The following UBE4B variants were observed in gnomAD, a reference collection of about 807,000 sequenced individuals.
The protein encoded by UBE4B is ubiquitin conjugation factor E4 B.
Under a neutral mutation model 148.1 loss-of-function variants are expected in UBE4B, and 27 were observed. That is an observed-to-expected ratio of 0.18 (90% confidence interval 0.13 to 0.25). The LOEUF is 0.25. Among genes scored for constraint, UBE4B ranks in the 10% least tolerant of loss-of-function variants. The probability of loss-of-function intolerance (pLI) is 1.00; values close to 1 mark genes in which losing one functional copy is unlikely to be tolerated. For missense variants in UBE4B, 1,170 were observed against 1,662.4 expected, an observed-to-expected ratio of 0.70 and a Z score of 5.15; for synonymous variants, 596 against 619.3, an observed-to-expected ratio of 0.96 and a Z score of 0.56.
At chr1:10,043,090 A>G (rs544766501) in intron 1 of UBE4B, among the ~76,000 whole-genome samples, 2 of 151,198 alleles carry the variant, frequency 1.3e-5, no homozygotes, top group Non-Finnish European at 3.0e-5. Context: ...GCTCACTGCA[A>G]CCTCCGCCTC....
chr1:10,161,767 A>G lies in UBE4B; in HGVS notation c.3198+481A>G, dbSNP rs1053622537. ...TAATAGAAAAGAGGCCTGGCTTGCC[A>G]GGTTCCATGGAAAGCACGTGCCGTG... is the stretch of plus-strand genomic sequence containing the variant. On this transcript the variant is annotated intron_variant, in intron 23 of 27. Transcript: ENST00000343090. The surrounding 1 kb of genome is among the most constrained non-coding windows in gnomAD (Gnocchi z 4.1). Among the ~76,000 whole-genome samples the G allele has an allele frequency of 2.0e-5, 3 of 152,124 alleles. No homozygotes were observed. Among genetic ancestry groups the G allele is most frequent in the Admixed American group, 1.3e-4 (2 of 15,266 alleles).
At chr1:10,037,381 A>G (rs1378984847) in intron 1 of UBE4B, among the ~76,000 whole-genome samples, 1 of 152,062 alleles carries the variant, frequency 6.6e-6, no homozygotes, top group East Asian at 1.9e-4. Context: ...TTATTTATAT[A>G]GTGTATTACA....
chr1:10,046,513 T>C (rs756124438), intron 1 of UBE4B, among the ~76,000 whole-genome samples: 23 of 152,154 alleles, frequency 1.5e-4, no homozygotes, highest in Admixed American at 1.5e-3. Flanking sequence ...TCTGCGCTGG[T>C]CCATAGCCAT....
chr1:10,034,063 A>G (rs1643407700), intron 1 of UBE4B, among the ~76,000 whole-genome samples: 1 of 152,190 alleles, frequency 6.6e-6, no homozygotes, highest in Admixed American at 6.6e-5. Flanking sequence ...ACAATTTTGG[A>G]TGGAATGAGA....
intron 2 of UBE4B, among the ~76,000 whole-genome samples, chr1:10,092,580 C>A (rs1644865728): frequency 6.6e-6 from 1 of 151,848 alleles, no homozygotes; most frequent in African/African-American, 2.4e-5. Flanking sequence ...GTAATCCTAA[C>A]ACTTTGGGAG....
chr1:10,160,301 T>C (rs569190868), intron 22 of UBE4B, among the ~76,000 whole-genome samples: 1 of 152,362 alleles, frequency 6.6e-6, no homozygotes, highest in African/African-American at 2.4e-5. Flanking sequence ...AAGGAATAAC[T>C]ATATCAGTTG....
chr1:10,155,854 C>G (rs959431329), intron 21 of UBE4B, among the ~76,000 whole-genome samples: 2 of 152,154 alleles, frequency 1.3e-5, no homozygotes, highest in Admixed American at 6.5e-5. Flanking sequence ...GAAACCCTGT[C>G]TCTACTAAAA....
At chr1:10,105,065 A>T (rs1378522351) in intron 5 of UBE4B, among the ~76,000 whole-genome samples, 1 of 152,222 alleles carries the variant, frequency 6.6e-6, no homozygotes, top group Non-Finnish European at 1.5e-5. Context: ...TAATAGTTTT[A>T]TTACTATCTA....
intron 1 of UBE4B, among the ~76,000 whole-genome samples, chr1:10,037,278 C>T (rs899958203): frequency 4.6e-5 from 7 of 152,114 alleles, no homozygotes; most frequent in Non-Finnish European, 1.0e-4. Flanking sequence ...CTGCCTGCCT[C>T]GGCCTCCCAA....
intron 7 of UBE4B, among the ~76,000 whole-genome samples, chr1:10,114,726 T>C (rs1418477991): frequency 6.6e-6 from 1 of 152,020 alleles, no homozygotes; most frequent in Non-Finnish European, 1.5e-5. Flanking sequence ...TAGCTGTACA[T>C]GGTGGCGAGC....
intron 1 of UBE4B, among the ~76,000 whole-genome samples, chr1:10,067,834 TCTC>T (rs1644415178): frequency 6.6e-6 from 1 of 151,928 alleles, no homozygotes; most frequent in Non-Finnish European, 1.5e-5. Flanking sequence ...TTCACGCCAT[TCTC>T]CTGCCTCAGC....
chr1:10,137,305 G>A (rs1645703760), intron 17 of UBE4B, 100 bp downstream of exon 17: 2 of 1,484,846 alleles, frequency 1.3e-6, no homozygotes, highest in Non-Finnish European at 1.9e-6. Flanking sequence ...TGTTGGGGGA[G>A]GTATGTACGT....
chr1:10,050,498 G>T (rs1364067475), intron 1 of UBE4B, among the ~76,000 whole-genome samples: 1 of 152,172 alleles, frequency 6.6e-6, no homozygotes, highest in Non-Finnish European at 1.5e-5. Context: ...AACGGGAAAG[G>T]GGTTTCATTA....
chr1:10,151,405 T>G lies in UBE4B; in HGVS notation c.2770T>G (p.Tyr924Asp). 2 of 1,614,190 alleles carry G rather than the reference T, an allele frequency of 1.2e-6. No individual in the cohort carries two copies. Among genetic ancestry groups the G allele is most frequent in the Non-Finnish European group, 1.7e-6 (2 of 1,180,034 alleles). ...FLVVMLCNQN[Y>D]IRNPYLVAKL... is the part of the protein sequence containing the mutation. ...TGTTGTGATGTTGTGCAACCAGAACTACATCCGAAACCCATATTTGGTGGC... is the reference window on the plus strand; with the variant it reads ...TGTTGTGATGTTGTGCAACCAGAACGACATCCGAAACCCATATTTGGTGGC... Residue 924 changes from tyrosine (Y) to aspartate (D), a missense_variant, in exon 21 of 28, where the codon TAC becomes GAC. Physicochemically the swap from Tyr to Asp is radical, Grantham distance 160. Coordinates refer to ENST00000343090, the MANE Select transcript of UBE4B (RefSeq NM_001105562.3).
rs370248917 is a variant in UBE4B at position 10,135,201 on chromosome 1, C to T, written c.2224+15C>T. The T allele has an allele frequency of 1.4e-4, 223 of 1,606,950 alleles. No individual in the cohort carries two copies. The African/African-American group carries it at 2.2e-3, about 16-fold the overall frequency. On this transcript the variant is annotated intron_variant, in intron 16 of 27. Coordinates refer to ENST00000343090, the MANE Select transcript of UBE4B (RefSeq NM_001105562.3). ...GACTGAACTCTGTGAGTACTGTGTTCGTGACTCGGTCATTAAAACACTGCC... is the reference window on the plus strand; with the variant it reads ...GACTGAACTCTGTGAGTACTGTGTTTGTGACTCGGTCATTAAAACACTGCC...
intron 3 of UBE4B, among the ~76,000 whole-genome samples, chr1:10,096,448 A>T (rs1486532513): frequency 6.6e-6 from 1 of 152,018 alleles, no homozygotes; most frequent in Non-Finnish European, 1.5e-5. Flanking sequence ...GAGGGGAATT[A>T]AGTCCGGGCT....
chr1:10,143,754 T>C (rs570313233), intron 17 of UBE4B, among the ~76,000 whole-genome samples: 8 of 152,348 alleles, frequency 5.3e-5, no homozygotes, highest in African/African-American at 1.9e-4. Flanking sequence ...CTAGTTGGTT[T>C]ACTGAATCAT....
intron 2 of UBE4B, among the ~76,000 whole-genome samples, chr1:10,083,720 G>C (rs1276492976): frequency 6.6e-6 from 1 of 152,150 alleles, no homozygotes; most frequent in Non-Finnish European, 1.5e-5. Flanking sequence ...GAGGCTCCTA[G>C]AAGAGGTTGA....
chr1:10,053,381 C>G (rs866922700), intron 1 of UBE4B, among the ~76,000 whole-genome samples: 5 of 152,058 alleles, frequency 3.3e-5, no homozygotes, highest in Middle Eastern at 3.4e-3. Flanking sequence ...GATCTCCTGA[C>G]CTCGTGATCC....
Sources: gnomAD v4.1 joint callset for allele counts (sites outside exome capture counted in the v4.1 genomes callset) on GRCh38, gnomAD v4.1.1 for gene constraint, Gnocchi (gnomAD v3.1) non-coding constraint, MANE v1.5 for transcripts, NCBI Gene and HGNC (gene_info 2026-07-23, HGNC 2026-07-21) for gene names.